Variants in ALOXE3 observed in about 807,000 individuals in gnomAD.
The protein encoded by ALOXE3 is hydroperoxide isomerase ALOXE3.
A neutral mutation model predicts 87.5 loss-of-function variants in ALOXE3; 78 were observed. That is an observed-to-expected ratio of 0.89 (90% confidence interval 0.74 to 1.08). ALOXE3 has a LOEUF of 1.08. ALOXE3 is among the 50% of genes least tolerant of loss of function. ALOXE3 has a pLI of 0.00. For synonymous variants in ALOXE3, 363 were observed against 370.8 expected (o/e 0.98, Z 0.24); for missense variants, 946 against 912.4 (o/e 1.04, Z -0.47).
chr17:8,115,716 AT>A, intron 3 of ALOXE3, 28 bp from the exon 4 acceptor site: 1 of 1,597,860 alleles, frequency 6.3e-7, no homozygotes, highest in East Asian at 2.2e-5. Flanking sequence ...TACTCTTGGT[AT>A]AAGTCTCTTT....
At chr17:8,107,828 A>G (rs565108287) in intron 13 of ALOXE3, among the ~76,000 whole-genome samples, 8 of 2,236 alleles carry the variant, frequency 3.6e-3, no homozygotes, top group East Asian at 7.5e-3. Flanking sequence ...AAAGAAAGAA[A>G]GAAAGAAAGA....
chr17:8,116,651 C>G, intron 3 of ALOXE3, 125 bp downstream of exon 3: 1 of 1,169,916 alleles, frequency 8.5e-7, no homozygotes, highest in Non-Finnish European at 1.2e-6. Flanking sequence ...CAGAAAACAT[C>G]TACTTGGGAG....
chr17:8,114,088 C>T (rs1203466706), intron 6 of ALOXE3, among the ~76,000 whole-genome samples: 2 of 150,692 alleles, frequency 1.3e-5, no homozygotes, highest in Non-Finnish European at 3.0e-5. Context: ...GGGAGGGTGG[C>T]AAGGGGGGAT....
chr17:8,109,367 TC>T, intron 11 of ALOXE3, 24 bp from the exon 12 acceptor site: 1 of 1,610,536 alleles, frequency 6.2e-7, no homozygotes, highest in Non-Finnish European at 8.5e-7. Flanking sequence ...ACAGCTCGGC[TC>T]CCGGGCCGGC....
chr17:8,115,693 G>C lies in ALOXE3; in HGVS notation c.353-5C>G. On this transcript the variant is annotated splice_region_variant and splice_polypyrimidine_tract_variant and intron_variant, in intron 3 of 15. Coordinates refer to ENST00000448843, the MANE Select transcript of ALOXE3 (RefSeq NM_021628.3). ...AGTCCTGACAAATAGTTCTTGCTGT[G>C]GGGAATGAAAATTACTCTTGGTATA... 6.2e-7 allele frequency: 1 copy of C among 1,611,716 alleles called. No individual in the cohort carries two copies. The highest frequency in any genetic ancestry group is 1.1e-5 in the South Asian group (1 of 91,028).
chr17:8,108,603 A>T lies in ALOXE3; in HGVS notation c.1563-14T>A. 2 of 1,608,598 alleles carry T rather than the reference A, an allele frequency of 1.2e-6. No individual in the cohort carries two copies. The highest frequency in any genetic ancestry group is 1.7e-6 in the Non-Finnish European group (2 of 1,176,692). On this transcript the variant is annotated splice_polypyrimidine_tract_variant and intron_variant, in intron 12 of 15. Coordinates refer to ENST00000448843, the MANE Select transcript of ALOXE3 (RefSeq NM_021628.3). The stretch of plus-strand genomic sequence containing the variant: ...TCTGAGACAAAGCTGCAGGAAAGAG[A>T]TGCTGGTACCACTGGAGTAACCACG...
chr17:8,118,645 C>T (rs1980827785), upstream of ALOXE3: 1 of 1,537,080 alleles, frequency 6.5e-7, no homozygotes, highest in African/African-American at 1.4e-5. Context: ...CCCCATACAC[C>T]GATCCCCCCA....
In ALOXE3 at chr17:8,111,422, A is replaced by G. The variant is rs768401453; in HGVS notation, c.894T>C (p.Pro298=). The change falls in exon 8 of 16, where the codon CCT becomes CCC. Residue 298 remains proline (P), a synonymous_variant. Transcript: ENST00000448843. ...AGGGGGCCACCATGTCATTGGTGAC[A>G]GGCAGCTTGCTGGGCAAGCTAGAGA... ...HCISSLPSKL[P]VTNDMVAPLL... 43 of 1,614,018 alleles carry G rather than the reference A, an allele frequency of 2.7e-5. No individual in the cohort carries two copies. In the East Asian group the frequency reaches 9.1e-4, roughly 34 times the overall value.
intron 3 of ALOXE3, among the ~76,000 whole-genome samples, chr17:8,116,048 A>G (rs1980561845): frequency 6.6e-6 from 1 of 152,248 alleles, no homozygotes. Context: ...TGACTGATGA[A>G]CAAATATATT....
At position 8,096,721 on chromosome 17, in the gene ALOXE3, T is replaced by C; in HGVS notation, c.2042A>G (p.Gln681Arg). 1 of 1,613,620 alleles carries C rather than the reference T, an allele frequency of 6.2e-7. No homozygotes were observed. Among genetic ancestry groups the C allele is most frequent in the Non-Finnish European group, 8.5e-7 (1 of 1,179,512 alleles). Reference protein sequence around the residue: ...SIAAFQSRLAQISRDIQERNQ... With the variant: ...SIAAFQSRLARISRDIQERNQ... ...CCGCTCCTGGATGTCCCTTGAGATC[T>C]GGGCCAGGCGGCTCTGGAAGGCGGC... The change falls in exon 16 of 16, where the codon CAG (glutamine) becomes CGG (arginine). Residue 681 changes from glutamine (Q) to arginine (R), a missense_variant. Coordinates refer to ENST00000448843, the MANE Select transcript of ALOXE3 (RefSeq NM_021628.3).
At chr17:8,101,320 G>C (rs1204581410) in intron 15 of ALOXE3, among the ~76,000 whole-genome samples, 2 of 152,128 alleles carry the variant, frequency 1.3e-5, no homozygotes, top group African/African-American at 2.4e-5. Flanking sequence ...GAGCCACCAC[G>C]CCTGGCTGCC....
Position 8,116,174 on chromosome 17 carries a change from T to C in ALOXE3, c.353-486A>G, listed in dbSNP as rs569109012. ...TCATTTGCCTCACTTTGACCTAGAA[T>C]ATCCCTCCTTCATCCTGAGCCTCCT... On this transcript the variant is annotated intron_variant, in intron 3 of 15. Coordinates refer to ENST00000448843, the MANE Select transcript of ALOXE3 (RefSeq NM_021628.3). Among the ~76,000 whole-genome samples, 14 of 152,320 alleles carry C rather than the reference T, an allele frequency of 9.2e-5. No homozygotes were observed. In the East Asian group the frequency reaches 2.7e-3, roughly 29 times the overall value.
At position 8,114,971 on chromosome 17, in the gene ALOXE3, G is replaced by C; in HGVS notation, c.521C>G (p.Thr174Arg). 6.2e-7 allele frequency: 1 copy of C among 1,614,070 alleles called. No homozygotes were observed. Among genetic ancestry groups the C allele is most frequent in the Non-Finnish European group, 8.5e-7 (1 of 1,180,024 alleles). Residue 174 changes from threonine to arginine, a missense_variant, in exon 5 of 16, where the codon ACA (threonine) becomes AGA (arginine). By Grantham distance (71) the Thr-to-Arg change is moderately conservative. Coordinates refer to ENST00000448843, the MANE Select transcript of ALOXE3 (RefSeq NM_021628.3). ...EMESDKKFAL[T>R]KTTTCVDQGD... is the part of the protein sequence containing the mutation. ...CTGGTCTACACAAGTTGTCGTCTTT[G>C]TCAAGGCAAATTTCTTGTCTGACTC...
Position 8,107,838 on chromosome 17 carries a change from A to AGGTTGGTGGCTGGAGGGGCC in ALOXE3, c.1684+629_1684+630insGGCCCCTCCAGCCACCAACC, listed in dbSNP as rs1567996043. Among the ~76,000 whole-genome samples the AGGTTGGTGGCTGGAGGGGCC allele has an allele frequency of 5.9e-3, 32 of 5,470 alleles. 1 individual carries two copies. Among genetic ancestry groups the AGGTTGGTGGCTGGAGGGGCC allele is most frequent in the Admixed American group, 0.011 (5 of 468 alleles). The allele number at this position is 5,470 out of a possible 152,430, so 3.6% of individuals were successfully genotyped here. ...GAAAGAAAGAAAGAAAGAAAGAAAG[A>AGGTTGGTGGCTGGAGGGGCC]AAGAAAGAAAGAAAGAAAGAAAGAA... On this transcript the variant is annotated intron_variant, in intron 13 of 15. Transcript: ENST00000448843.
chr17:8,109,330 C>T lies in ALOXE3; in HGVS notation c.1406G>A (p.Gly469Glu). ...EGLVDQVTSI[G>E]RQGLIYLMST... ...CATGAGGTAGATGAGGCCTTGCCTC[C>T]CGATGGACGTGACCTGAGGACACAG... Residue 469 changes from glycine (G) to glutamate (E), a missense_variant, in exon 12 of 16, where the codon GGG becomes GAG. Transcript: ENST00000448843. The T allele has an allele frequency of 6.2e-7, 1 of 1,613,886 alleles. No homozygotes were observed. The highest frequency in any genetic ancestry group is 8.5e-7 in the Non-Finnish European group (1 of 1,180,036).
At chr17:8,113,505 T>G (rs2151843145) in intron 6 of ALOXE3, among the ~76,000 whole-genome samples, 1 of 150,590 alleles carries the variant, frequency 6.6e-6, no homozygotes, top group Non-Finnish European at 1.5e-5. Context: ...ATGCAAAAAT[T>G]AGCCAGGCGT....
intron 3 of ALOXE3, 127 bp downstream of exon 3, chr17:8,116,649 A>T (rs533012752): frequency 8.7e-7 from 1 of 1,149,236 alleles, no homozygotes; most frequent in Non-Finnish European, 1.3e-6. Context: ...TTCAGAAAAC[A>T]TCTACTTGGG....
intron 3 of ALOXE3, 24 bp from the exon 4 acceptor site, chr17:8,115,712 T>C (rs1182710199): frequency 1.9e-6 from 3 of 1,600,654 alleles, no homozygotes; most frequent in East Asian, 4.5e-5. Context: ...AAATTACTCT[T>C]GGTATAAGTC....
Position 8,115,614 on chromosome 17 carries a change from A to G in ALOXE3, c.427T>C (p.Cys143Arg), listed in dbSNP as rs369223248. 3.2e-5 allele frequency: 52 copies of G among 1,613,414 alleles called. No homozygotes were observed. The highest frequency in any genetic ancestry group is 4.2e-5 in the Non-Finnish European group (50 of 1,179,404). Reference protein sequence around the residue: ...RTRELRARQECYRWKIYAPGF... With the variant: ...RTRELRARQERYRWKIYAPGF... ...AAATTAGGCCACCCTCACCGGTAGC[A>G]TTCTTGTCGGGCCCGGAGCTCCCGT... Residue 143 changes from cysteine (C) to arginine (R), a missense_variant, in exon 4 of 16, where the codon TGC becomes CGC. Coordinates refer to ENST00000448843, the MANE Select transcript of ALOXE3 (RefSeq NM_021628.3).
Sources: gnomAD v4.1 joint callset for allele counts (sites outside exome capture counted in the v4.1 genomes callset) on GRCh38, gnomAD v4.1.1 for gene constraint, MANE v1.5 for transcripts, NCBI Gene and HGNC (gene_info 2026-07-23, HGNC 2026-07-21) for gene names.